IFT80: variants seen among roughly 807,000 people sequenced by gnomAD.
IFT80 encodes the protein intraflagellar transport 80, also known as intraflagellar transport protein 80 homolog.
A neutral mutation model predicts 107.9 loss-of-function variants in IFT80; 79 were observed. That is an observed-to-expected ratio of 0.73 (90% CI 0.61 to 0.88). The LOEUF is 0.88. Ranked by LOEUF, IFT80 falls within the 40% of genes least tolerant of loss-of-function variation. The probability of loss-of-function intolerance (pLI) is 0.00; values close to 1 mark genes in which losing one functional copy is unlikely to be tolerated. For missense variants in IFT80, 797 were observed against 914.2 expected (o/e 0.87, Z 1.65); for synonymous variants, 299 against 300.9 (o/e 0.99, Z 0.07).
chr3:160,391,445 GGT>G (rs1037817754), intron 1 of IFT80: 2 of 152,262 alleles, frequency 1.3e-5, no homozygotes, highest in African/African-American at 4.8e-5. Flanking sequence ...GGCCGAGGCA[GGT>G]GGATCACAAG....
intron 6 of IFT80, among the ~76,000 whole-genome samples, chr3:160,363,031 G>C (rs141098320): frequency 0.012 from 1,893 of 152,274 alleles, 40 homozygotes; most frequent in African/African-American, 0.042. Context: ...AATCAGGCAA[G>C]AGAAGGAAAT....
Position 160,258,497 on chromosome 3 carries a change from TA to T in IFT80, c.*27del. The T allele has an allele frequency of 6.2e-7, 1 of 1,613,182 alleles. No individual in the cohort carries two copies. Among genetic ancestry groups the T allele is most frequent in the Non-Finnish European group, 8.5e-7 (1 of 1,179,804 alleles). ...GTTAATCAGAACGTGTTTCAAAAGA[TA>T]AAATTTCTTAAAGATACGCATGGCA... On this transcript the variant is annotated 3_prime_UTR_variant, in exon 20 of 20. Coordinates refer to ENST00000326448, the MANE Select transcript of IFT80 (RefSeq NM_020800.3).
intron 19 of IFT80, among the ~76,000 whole-genome samples, chr3:160,262,904 T>C (rs1213935508): frequency 6.6e-6 from 1 of 152,188 alleles, no homozygotes; most frequent in Non-Finnish European, 1.5e-5. Flanking sequence ...TATCAATTCA[T>C]ATAGCTTCAA....
At chr3:160,288,661 T>C (rs920870233) in intron 12 of IFT80, among the ~76,000 whole-genome samples, 2 of 151,978 alleles carry the variant, frequency 1.3e-5, no homozygotes, top group Admixed American at 6.6e-5. Flanking sequence ...CACTAAAAAC[T>C]GGGCAAAGGA....
intron 6 of IFT80, 112 bp from the exon 7 acceptor site, chr3:160,357,690 G>T (rs1405427146): frequency 7.5e-6 from 5 of 667,114 alleles, no homozygotes; most frequent in Non-Finnish European, 1.1e-5. Flanking sequence ...TCTTCTCAGG[G>T]ATTCCTATCT....
chr3:160,355,750 T>C (rs565437306), intron 8 of IFT80, among the ~76,000 whole-genome samples: 2 of 152,244 alleles, frequency 1.3e-5, no homozygotes, highest in Non-Finnish European at 2.9e-5. Flanking sequence ...TTTAATACTT[T>C]AACTACTTCA....
chr3:160,348,166 T>C (rs183628206), intron 8 of IFT80, among the ~76,000 whole-genome samples: 1 of 152,324 alleles, frequency 6.6e-6, no homozygotes, highest in East Asian at 1.9e-4. Context: ...GAACATCCTT[T>C]CATGTTTTTA....
chr3:160,279,161 A>G (rs1226918667), intron 16 of IFT80, 32 bp downstream of exon 16: 1 of 1,572,392 alleles, frequency 6.4e-7, no homozygotes, highest in South Asian at 1.1e-5. Context: ...TATGAAATAT[A>G]TATACAACTA....
chr3:160,338,997 G>A (rs559419154), intron 8 of IFT80, among the ~76,000 whole-genome samples: 2 of 152,122 alleles, frequency 1.3e-5, no homozygotes, highest in African/African-American at 4.8e-5. Flanking sequence ...TGTACATCAC[G>A]CAGAAGAAAT....
chr3:160,327,796 A>G (rs1168198988), intron 8 of IFT80, among the ~76,000 whole-genome samples: 2 of 152,194 alleles, frequency 1.3e-5, no homozygotes, highest in African/African-American at 4.8e-5. Context: ...TTCAGGATGA[A>G]GGTGCCAAAA....
intron 12 of IFT80, among the ~76,000 whole-genome samples, chr3:160,295,477 T>C (rs1444004774): frequency 2.6e-5 from 4 of 151,956 alleles, no homozygotes; most frequent in African/African-American, 9.7e-5. Context: ...TAGAGGTGCC[T>C]GCCTGCCTGT....
intron 1 of IFT80, among the ~76,000 whole-genome samples, chr3:160,385,577 C>T (rs1338796280): frequency 2.6e-5 from 4 of 152,194 alleles, no homozygotes; most frequent in Non-Finnish European, 5.9e-5. Context: ...ACCTTTAGAT[C>T]AGCAAGCTAC....
intron 6 of IFT80, 61 bp from the exon 7 acceptor site, chr3:160,357,639 T>A (rs1721190207): frequency 7.4e-6 from 8 of 1,087,904 alleles, no homozygotes; most frequent in Admixed American, 3.6e-5. Flanking sequence ...TTTTTTTCTG[T>A]AAGAAATATA....
chr3:160,388,875 T>A (rs1380078559), intron 1 of IFT80, among the ~76,000 whole-genome samples: 2 of 152,124 alleles, frequency 1.3e-5, no homozygotes. Context: ...GCTTTTAAGA[T>A]GTAAAGGGGT....
chr3:160,308,251 G>A lies in IFT80; in HGVS notation c.958-470C>T, dbSNP rs553295453. On this transcript the variant is annotated intron_variant, in intron 9 of 19. Coordinates refer to ENST00000326448, the MANE Select transcript of IFT80 (RefSeq NM_020800.3). ...AATCAAAAGTGGGGTAGGAGGTATT[G>A]GTAAACAAACCAATTGCATGGTGAA... is the stretch of plus-strand genomic sequence containing the variant. Among the ~76,000 whole-genome samples the A allele has an allele frequency of 8.5e-5, 13 of 152,136 alleles. 1 individual carries two copies. The South Asian group carries it at 2.7e-3, about 32-fold the overall frequency.
intron 12 of IFT80, chr3:160,299,221 C>G: frequency 8.9e-7 from 1 of 1,129,900 alleles, no homozygotes; most frequent in South Asian, 2.1e-5. Context: ...CTTTCTTAGC[C>G]AAAAAGGAAG....
Position 160,301,003 on chromosome 3 carries a change from A to G in IFT80, c.1195T>C (p.Tyr399His), listed in dbSNP as rs1379447045. ...VDGSSIYLYS[Y>H]EGRFISSPKF... ...GGAGATGAAATAAAGCGCCCTTCAT[A>G]TGAATATAAATAGATACTACTACCA... The change falls in exon 12 of 20, where the codon TAT becomes CAT. Residue 399 changes from tyrosine to histidine, a missense_variant. Transcript: ENST00000326448. 1 of 1,597,130 alleles carries G rather than the reference A, an allele frequency of 6.3e-7. No individual in the cohort carries two copies. Among genetic ancestry groups the G allele is most frequent in the Non-Finnish European group, 8.6e-7 (1 of 1,168,114 alleles).
intron 10 of IFT80, among the ~76,000 whole-genome samples, chr3:160,304,435 CTTT>C (rs869204306): frequency 2.3e-5 from 3 of 129,152 alleles, no homozygotes; most frequent in African/African-American, 2.8e-5. Flanking sequence ...TTGATTTTTT[CTTT>C]TTTTTTTTTT....
chr3:160,268,631 C>G (rs1315051802), intron 18 of IFT80, 95 bp from the exon 19 acceptor site: 5 of 1,178,392 alleles, frequency 4.2e-6, no homozygotes, highest in Non-Finnish European at 6.3e-6. Flanking sequence ...AATGGCTCTT[C>G]CCTCTGTTTA....
Sources: allele counts gnomAD v4.1 joint callset (sites outside exome capture counted in the v4.1 genomes callset), GRCh38; gene constraint gnomAD v4.1.1; transcripts MANE v1.5; gene names NCBI Gene and HGNC (gene_info 2026-07-23, HGNC 2026-07-21).